The following SEC11C variants were observed in gnomAD, a reference collection of about 807,000 sequenced individuals.
SEC11C encodes the protein SEC11 homolog C, signal peptidase complex subunit, also known as signal peptidase complex catalytic subunit SEC11C.
SEC11C carries 10 observed loss-of-function variants against 21.9 expected under a neutral mutation model. The observed-to-expected ratio is 0.46, with a 90% CI of 0.28 to 0.77. SEC11C has a LOEUF of 0.77. Among genes scored for constraint, SEC11C ranks in the 30% least tolerant of loss-of-function variants. The pLI is 0.12. For missense variants in SEC11C, 145 were observed against 244.5 expected, an observed-to-expected ratio of 0.59 and a Z score of 2.71; for synonymous variants, 83 against 85.6, an observed-to-expected ratio of 0.97 and a Z score of 0.17.
rs2069212192 is a variant in SEC11C at position 59,141,676 on chromosome 18, T to C, written c.87+1641T>C. 2.0e-5 allele frequency among the ~76,000 whole-genome samples: 3 copies of C among 152,124 alleles called. No individual in the cohort carries two copies. In the South Asian group the frequency reaches 6.2e-4, roughly 32 times the overall value. On this transcript the variant is annotated intron_variant, in intron 1 of 5. Coordinates refer to ENST00000587834, the MANE Select transcript of SEC11C (RefSeq NM_033280.4). ...AAAAAAGCTTTGTCTTTTTTTTTTTTTCTCTTCTTCCCTCCAAAATAGCAT... is the reference window on the plus strand; with the variant it reads ...AAAAAAGCTTTGTCTTTTTTTTTTTCTCTCTTCTTCCCTCCAAAATAGCAT...
intron 1 of SEC11C, among the ~76,000 whole-genome samples, chr18:59,144,414 A>G (rs904756770): frequency 6.6e-6 from 1 of 152,166 alleles, no homozygotes; most frequent in Non-Finnish European, 1.5e-5. Context: ...TAACAACAAC[A>G]ATAAAAAAAC....
intron 4 of SEC11C, 194 bp from the exon 5 acceptor site, chr18:59,157,414 T>C: frequency 2.1e-6 from 1 of 476,452 alleles, no homozygotes; most frequent in Non-Finnish European, 3.7e-6. Flanking sequence ...AGAAAACTTG[T>C]CCTGGCTGCC....
At chr18:59,140,101 T>C in intron 1 of SEC11C, 66 bp downstream of exon 1, 2 of 1,398,688 alleles carry the variant, frequency 1.4e-6, no homozygotes, top group Middle Eastern at 2.3e-4. Context: ...AGTCGGGGCT[T>C]CCCAGTCAGG....
At chr18:59,155,477 T>G (rs780508883) in intron 3 of SEC11C, 59 of 443,444 alleles carry the variant, frequency 1.3e-4, no homozygotes, top group Non-Finnish European at 2.0e-4. Context: ...TTGAGTGTTT[T>G]GGAATTTAAG....
intron 1 of SEC11C, 60 bp downstream of exon 1, chr18:59,140,095 G>A (rs533749170): frequency 2.8e-6 from 4 of 1,432,368 alleles, no homozygotes; most frequent in African/African-American, 1.5e-5. Context: ...GCGGGGAGTC[G>A]GGGCTTCCCA....
chr18:59,157,474 A>G, intron 4 of SEC11C, 134 bp from the exon 5 acceptor site: 1 of 700,748 alleles, frequency 1.4e-6, no homozygotes, highest in Non-Finnish European at 2.5e-6. Context: ...GGCTGAATAC[A>G]TCCTTACAGC....
intron 3 of SEC11C, among the ~76,000 whole-genome samples, chr18:59,154,641 T>C (rs911840442): frequency 1.3e-5 from 2 of 152,246 alleles, no homozygotes; most frequent in Admixed American, 1.3e-4. Context: ...AAATTCTGCA[T>C]TTGGCAAGGA....
intron 5 of SEC11C, among the ~76,000 whole-genome samples, chr18:59,158,390 G>A (rs1603378581): frequency 6.6e-6 from 1 of 152,204 alleles, no homozygotes; most frequent in African/African-American, 2.4e-5. Flanking sequence ...AACCTGCGTA[G>A]GAGTAAGCAC....
At chr18:59,141,132 C>A (rs909756716) in intron 1 of SEC11C, among the ~76,000 whole-genome samples, 1 of 144,312 alleles carries the variant, frequency 6.9e-6, no homozygotes, top group African/African-American at 2.7e-5. Flanking sequence ...CTCCTTTAGG[C>A]ATACGTGTTT....
chr18:59,146,183 G>A (rs17779005), intron 1 of SEC11C, among the ~76,000 whole-genome samples: 15,268 of 152,104 alleles, frequency 0.1, 1,215 homozygotes, highest in East Asian at 0.25. Flanking sequence ...GGAATAGAGA[G>A]ACCTGGACAA....
At chr18:59,145,031 C>T (rs894494480) in intron 1 of SEC11C, among the ~76,000 whole-genome samples, 4 of 152,140 alleles carry the variant, frequency 2.6e-5, no homozygotes, top group African/African-American at 4.8e-5. Context: ...ATGAGCAAGG[C>T]TGAAATGATC....
chr18:59,148,026 G>A (rs1814878), intron 1 of SEC11C: 2 of 152,218 alleles, frequency 1.3e-5, no homozygotes, highest in East Asian at 1.9e-4. Flanking sequence ...GGTCATTGAA[G>A]CAGAGACCCA....
chr18:59,139,917 C>A lies in SEC11C; in HGVS notation c.-32C>A. 4 of 1,486,492 alleles carry A rather than the reference C, an allele frequency of 2.7e-6. No homozygotes were observed. The highest frequency in any genetic ancestry group is 3.6e-6 in the Non-Finnish European group (4 of 1,110,798). 92.1% of individuals were successfully genotyped at this position (1,486,492 alleles called of 1,614,324 possible). On this transcript the variant is annotated 5_prime_UTR_variant, in exon 1 of 6. Coordinates refer to ENST00000587834, the MANE Select transcript of SEC11C (RefSeq NM_033280.4). ...CGCAGCCGTCTGTGCCACCCAGAGC[C>A]GGCGGGCCGCTAGGTCCCCGGAGAC...
At chr18:59,146,435 A>G (rs1358143696) in intron 1 of SEC11C, among the ~76,000 whole-genome samples, 1 of 152,180 alleles carries the variant, frequency 6.6e-6, no homozygotes, top group Non-Finnish European at 1.5e-5. Flanking sequence ...GATGGGACCA[A>G]TGCCAGCATT....
In SEC11C at chr18:59,152,477, A is replaced by G. The variant is rs1435471854; in HGVS notation, c.198-59A>G. The G allele has an allele frequency of 4.6e-5, 70 of 1,524,660 alleles. 2 individuals are homozygous for G. The South Asian group carries it at 6.9e-4, about 15-fold the overall frequency. 94.4% of individuals were successfully genotyped at this position (1,524,660 alleles called of 1,614,324 possible). On this transcript the variant is annotated intron_variant, in intron 2 of 5. Transcript: ENST00000587834. The stretch of plus-strand genomic sequence containing the variant: ...ATTGAGTTTCACCTCTGACATGTCT[A>G]TTCTGATCGCCTTTTGGACACAGGG...
intron 1 of SEC11C, chr18:59,147,063 G>C (rs1356643979): frequency 1.3e-5 from 2 of 152,198 alleles, no homozygotes; most frequent in African/African-American, 4.8e-5. Flanking sequence ...GCTGATGCTT[G>C]CGCTGCTGCT....
At chr18:59,141,371 T>C (rs1419737399) in intron 1 of SEC11C, among the ~76,000 whole-genome samples, 1 of 152,196 alleles carries the variant, frequency 6.6e-6, no homozygotes, top group African/African-American at 2.4e-5. Flanking sequence ...CACAAGAATA[T>C]CCTCCAGGAA....
At chr18:59,150,122 GTTAACA>G (rs1433010346) in intron 2 of SEC11C, among the ~76,000 whole-genome samples, 2 of 151,950 alleles carry the variant, frequency 1.3e-5, no homozygotes, top group Admixed American at 6.5e-5. Flanking sequence ...TTTTAGAAAA[GTTAACA>G]TTAGAGTTAA....
At chr18:59,155,604 A>G (rs1603378230) in intron 3 of SEC11C, 84 bp from the exon 4 acceptor site, 2 of 1,434,372 alleles carry the variant, frequency 1.4e-6, no homozygotes, top group East Asian at 2.3e-5. Context: ...CCTGTCTGAC[A>G]GTAAAGTCTT....
Sources: allele counts gnomAD v4.1 joint callset (sites outside exome capture counted in the v4.1 genomes callset), GRCh38; gene constraint gnomAD v4.1.1; transcripts MANE v1.5; gene names NCBI Gene and HGNC (gene_info 2026-07-23, HGNC 2026-07-21).